The following SIPA1L2 variants were observed in gnomAD, a reference collection of about 807,000 sequenced individuals.
SIPA1L2 encodes the protein signal induced proliferation associated 1 like 2, also known as signal-induced proliferation-associated 1-like protein 2.
Under a neutral mutation model 163.9 loss-of-function variants are expected in SIPA1L2, and 56 were observed. That is an observed-to-expected ratio of 0.34 (90% CI 0.28 to 0.43). The LOEUF is 0.43. SIPA1L2 is among the 20% of genes least tolerant of loss of function. The pLI is 1.00. For synonymous variants in SIPA1L2, 877 were observed against 865.7 expected (o/e 1.01, Z -0.23); for missense variants, 1,974 against 2,193.5 (o/e 0.90, Z 2.00).
Position 232,618,276 on chromosome 1 carries a change from AC to A in SIPA1L2, c.-319+11592del, listed in dbSNP as rs1354123798. On this transcript the variant is annotated intron_variant, in intron 1 of 22. Transcript: ENST00000674635. ...GGAGCATCAGCAGCAAACGAACAAC[AC>A]CCCAGAGACCTGGGGGCGGAAGGGA... 5.3e-5 allele frequency among the ~76,000 whole-genome samples: 8 copies of A among 152,196 alleles called. No individual in the cohort carries two copies. The East Asian group carries it at 1.5e-3, about 29-fold the overall frequency.
intron 2 of SIPA1L2, among the ~76,000 whole-genome samples, chr1:232,537,087 T>G (rs1657348816): frequency 6.6e-6 from 1 of 151,936 alleles, no homozygotes; most frequent in Admixed American, 6.6e-5. Context: ...AATAGAAAAA[T>G]TAGCCAGGTG....
chr1:232,499,465 C>T (rs1237873901), intron 3 of SIPA1L2, among the ~76,000 whole-genome samples: 1 of 152,204 alleles, frequency 6.6e-6, no homozygotes, highest in Non-Finnish European at 1.5e-5. Context: ...AAAGCCTAAT[C>T]CAGAGCAAGG....
Position 232,428,453 on chromosome 1 carries a change from C to T in SIPA1L2, c.4368G>A (p.Leu1456=). 1 of 1,581,802 alleles carries T rather than the reference C, an allele frequency of 6.3e-7. No individual in the cohort carries two copies. The highest frequency in any genetic ancestry group is 8.6e-7 in the Non-Finnish European group (1 of 1,164,546). The change falls in exon 17 of 23, where the codon TTG becomes TTA. Residue 1456 remains leucine (L), a synonymous_variant. Coordinates refer to ENST00000674635, the MANE Select transcript of SIPA1L2 (RefSeq NM_020808.5). ...HVLSKEDFLK[L]MLPDSPLVEE... Reference sequence around the variant, plus strand: ...CCACTAAGGGGCTGTCAGGAAGCATCAATTTCAGAAAATCTTCTTTAGACA... The same window carrying T: ...CCACTAAGGGGCTGTCAGGAAGCATTAATTTCAGAAAATCTTCTTTAGACA...
chr1:232,600,445 T>G (rs1179404371), intron 1 of SIPA1L2, among the ~76,000 whole-genome samples: 1 of 152,182 alleles, frequency 6.6e-6, no homozygotes, highest in Non-Finnish European at 1.5e-5. Flanking sequence ...GAGTACCTCA[T>G]GTGGACAAAG....
At chr1:232,551,271 G>A (rs114652446) in intron 2 of SIPA1L2, among the ~76,000 whole-genome samples, 1,527 of 152,162 alleles carry the variant, frequency 0.01, 12 homozygotes, top group South Asian at 0.022. Flanking sequence ...CCTAAAATCA[G>A]TTGTTTTTAT....
At chr1:232,598,270 T>C (rs888820595) in intron 1 of SIPA1L2, among the ~76,000 whole-genome samples, 6 of 150,392 alleles carry the variant, frequency 4.0e-5, no homozygotes, top group Admixed American at 2.7e-4. Context: ...CCGGGTGTGC[T>C]GGTGCGCACC....
chr1:232,571,372 A>G (rs1039350548), intron 2 of SIPA1L2, among the ~76,000 whole-genome samples: 2 of 152,212 alleles, frequency 1.3e-5, no homozygotes, highest in African/African-American at 4.8e-5. Context: ...GAATAATTCA[A>G]TTTTTTTAAG....
intron 10 of SIPA1L2, among the ~76,000 whole-genome samples, chr1:232,448,208 G>A (rs544545110): frequency 1.3e-5 from 2 of 152,152 alleles, no homozygotes; most frequent in African/African-American, 4.8e-5. Flanking sequence ...ACAGTGCAAG[G>A]CGTACTCTTA....
At chr1:232,628,394 C>G (rs1230545219) in intron 1 of SIPA1L2, among the ~76,000 whole-genome samples, 1 of 152,184 alleles carries the variant, frequency 6.6e-6, no homozygotes, top group East Asian at 1.9e-4. Context: ...ATGAATAATA[C>G]TCTCTTATAA....
chr1:232,583,430 A>C (rs1415724213), intron 1 of SIPA1L2, among the ~76,000 whole-genome samples: 4 of 152,238 alleles, frequency 2.6e-5, no homozygotes, highest in Non-Finnish European at 4.4e-5. Context: ...TTAAAGTTGT[A>C]GCTTATATTA....
chr1:232,471,867 T>C (rs939634929), intron 7 of SIPA1L2, among the ~76,000 whole-genome samples: 1 of 152,218 alleles, frequency 6.6e-6, no homozygotes, highest in Non-Finnish European at 1.5e-5. Context: ...GTTTAAGCTC[T>C]AGACGACAAA....
At chr1:232,600,214 G>A (rs1042503769) in intron 1 of SIPA1L2, among the ~76,000 whole-genome samples, 2 of 152,126 alleles carry the variant, frequency 1.3e-5, no homozygotes, top group African/African-American at 4.8e-5. Context: ...TGAAGGGGCA[G>A]TGTTGGTGAC....
At chr1:232,454,742 G>GA (rs1456227715) in intron 10 of SIPA1L2, among the ~76,000 whole-genome samples, 2 of 152,196 alleles carry the variant, frequency 1.3e-5, no homozygotes, top group Admixed American at 1.3e-4. Context: ...CATTCAAAAT[G>GA]AAAAAACACG....
intron 16 of SIPA1L2, among the ~76,000 whole-genome samples, chr1:232,430,574 T>C (rs1244725972): frequency 6.6e-6 from 1 of 152,182 alleles, no homozygotes; most frequent in African/African-American, 2.4e-5. Flanking sequence ...AACACTGTTT[T>C]GATAAAACTT....
intron 2 of SIPA1L2, among the ~76,000 whole-genome samples, chr1:232,547,120 G>A (rs1230832366): frequency 3.9e-5 from 6 of 152,184 alleles, no homozygotes; most frequent in Admixed American, 2.0e-4. Flanking sequence ...GGTGGGCAGA[G>A]GGTGGGAGAA....
rs187510045 is a variant in SIPA1L2 at position 232,443,458 on chromosome 1, A to C, written c.3437+144T>G. 2,109 of 520,184 alleles carry C rather than the reference A, an allele frequency of 4.1e-3. 10 individuals are homozygous for C. Among genetic ancestry groups the C allele is most frequent in the Non-Finnish European group, 5.6e-3 (1,766 of 315,228 alleles). The allele number at this position is 520,184 out of a possible 1,614,324, so 32.2% of individuals were successfully genotyped here. A position where few individuals can be genotyped will look rare whatever the true frequency, so the allele number is the denominator to read the frequency against. ...AGAAATAATGAGCTTTCCAACCTGG[A>C]CAAGTCACTTGTTAAAAGCATGTCT... On this transcript the variant is annotated intron_variant, in intron 12 of 22. Transcript: ENST00000674635.
chr1:232,612,710 A>T (rs1662310204), intron 1 of SIPA1L2, among the ~76,000 whole-genome samples: 1 of 152,174 alleles, frequency 6.6e-6, no homozygotes, highest in Admixed American at 6.5e-5. Context: ...TCACAGGCTC[A>T]TAGGTGGAAG....
At chr1:232,492,215 CT>C (rs1558219759) in intron 4 of SIPA1L2, among the ~76,000 whole-genome samples, 3 of 152,104 alleles carry the variant, frequency 2.0e-5, no homozygotes, top group Non-Finnish European at 2.9e-5. Context: ...GAAAAGGGCT[CT>C]GTGTTTTCTC....
Position 232,431,285 on chromosome 1 carries a change from C to G in SIPA1L2, c.4256+962G>C, listed in dbSNP as rs143761253. ...AAGGGCTAGTTATCACTATGAAATT[C>G]CTTCCTAAATAAGCCATTTGCAATG... is the stretch of plus-strand genomic sequence containing the variant. On this transcript the variant is annotated intron_variant, in intron 16 of 22. Transcript: ENST00000674635. 6.1e-3 allele frequency among the ~76,000 whole-genome samples: 927 copies of G among 152,240 alleles called. 25 individuals are homozygous for G. The highest frequency in any genetic ancestry group is 0.039 in the Admixed American group (600 of 15,296).
Sources: allele counts gnomAD v4.1 joint callset (sites outside exome capture counted in the v4.1 genomes callset), GRCh38; gene constraint gnomAD v4.1.1; transcripts MANE v1.5; gene names NCBI Gene and HGNC (gene_info 2026-07-23, HGNC 2026-07-21).